PTPA: variants seen among roughly 807,000 people sequenced by gnomAD.
The protein encoded by PTPA is serine/threonine-protein phosphatase 2A activator.
PTPA carries 13 observed loss-of-function variants against 43.6 expected under a neutral mutation model. The observed-to-expected ratio is 0.30, with a 90% CI of 0.19 to 0.47. The LOEUF is 0.47. Among genes scored for constraint, PTPA ranks in the 20% least tolerant of loss-of-function variants. PTPA has a pLI of 0.99. For missense variants in PTPA, 329 were observed against 411.9 expected, an observed-to-expected ratio of 0.80 and a Z score of 1.74; for synonymous variants, 172 against 158.2, an observed-to-expected ratio of 1.09 and a Z score of -0.66.
chr9:129,120,327 G>A (rs1480483678), intron 1 of PTPA, among the ~76,000 whole-genome samples, 186 bp from the exon 2 acceptor site: 1 of 151,866 alleles, frequency 6.6e-6, no homozygotes, highest in Non-Finnish European at 1.5e-5. Context: ...AGGAGACTGA[G>A]GCAGGAGAAT....
At chr9:129,141,414 T>G (rs552310334) in intron 8 of PTPA, among the ~76,000 whole-genome samples, 2 of 152,332 alleles carry the variant, frequency 1.3e-5, no homozygotes, top group African/African-American at 4.8e-5. Flanking sequence ...TCAGCCTCTT[T>G]GCAGAGTCTT....
chr9:129,146,967 G>C (rs1851345364), intron 9 of PTPA, among the ~76,000 whole-genome samples: 1 of 152,252 alleles, frequency 6.6e-6, no homozygotes, highest in African/African-American at 2.4e-5. Flanking sequence ...GAAAGCTGGA[G>C]AAAACAGGCT....
chr9:129,119,324 C>T (rs1344752293), intron 1 of PTPA, among the ~76,000 whole-genome samples: 1 of 94,328 alleles, frequency 1.1e-5, no homozygotes, highest in Non-Finnish European at 2.9e-5. Context: ...CAACCTTATC[C>T]AGAAAGAGAA....
intron 1 of PTPA, among the ~76,000 whole-genome samples, chr9:129,114,908 G>C (rs760251909): frequency 1.3e-5 from 2 of 152,184 alleles, no homozygotes; most frequent in Admixed American, 1.3e-4. Context: ...AGTGCTTCCT[G>C]GTAAGGTAGC....
intron 9 of PTPA, chr9:129,143,132 C>G: frequency 1.6e-6 from 1 of 611,464 alleles, no homozygotes; most frequent in South Asian, 2.0e-5. Flanking sequence ...GCTCCCCCTG[C>G]TGGCAGGCAG....
chr9:129,122,904 T>A (rs73627785), intron 2 of PTPA, 148 bp from the exon 3 acceptor site: 6,411 of 639,422 alleles, frequency 0.01, 268 homozygotes, highest in African/African-American at 0.097. Context: ...GCATTACGTT[T>A]CTGCTTCTCC....
chr9:129,112,498 G>A (rs186967343), intron 1 of PTPA, among the ~76,000 whole-genome samples: 288 of 152,326 alleles, frequency 1.9e-3, no homozygotes, highest in Non-Finnish European at 3.1e-3. Flanking sequence ...TCCCTGGGAA[G>A]GTCTCAGGAG....
intron 1 of PTPA, among the ~76,000 whole-genome samples, chr9:129,114,188 AT>A (rs994891603): frequency 6.6e-6 from 1 of 152,110 alleles, no homozygotes; most frequent in East Asian, 1.9e-4. Context: ...TGCCGGGCTA[AT>A]TTTTTGTATT....
At position 129,111,642 on chromosome 9, in the gene PTPA, C is replaced by A; in HGVS notation, c.31+11C>A. On this transcript the variant is annotated intron_variant, in intron 1 of 9. Coordinates refer to ENST00000393370, the MANE Select transcript of PTPA (RefSeq NM_178000.3). ...GGCAGCCGCCGCCAGGTAAGGCCGGCGGGGCCAGGCCGGGCCGGGGTCGGG... is the reference window on the plus strand; with the variant it reads ...GGCAGCCGCCGCCAGGTAAGGCCGGAGGGGCCAGGCCGGGCCGGGGTCGGG... The A allele has an allele frequency of 9.1e-7, 1 of 1,094,340 alleles. No individual in the cohort carries two copies. Among genetic ancestry groups the A allele is most frequent in the Non-Finnish European group, 1.1e-6 (1 of 887,988 alleles). The allele number at this position is 1,094,340 out of a possible 1,614,324, so 67.8% of individuals were successfully genotyped here.
At position 129,148,904 on chromosome 9, in the gene PTPA, C is replaced by G. The variant is rs1466516065; in HGVS notation, c.*1440C>G. On this transcript the variant is annotated 3_prime_UTR_variant, in exon 10 of 10. Coordinates refer to ENST00000393370, the MANE Select transcript of PTPA (RefSeq NM_178000.3). ...CCTATGGGCTCCCAGCCCCTTGCACCCTCATTGCTGTTCAGATTAAAGCCT... is the reference window on the plus strand; with the variant it reads ...CCTATGGGCTCCCAGCCCCTTGCACGCTCATTGCTGTTCAGATTAAAGCCT... 1 of 152,488 alleles carries G rather than the reference C, an allele frequency of 6.6e-6. No homozygotes were observed. Among genetic ancestry groups the G allele is most frequent in the East Asian group, 1.9e-4 (1 of 5,202 alleles). The allele number at this position is 152,488 out of a possible 1,614,324, so 9.4% of individuals were successfully genotyped here.
chr9:129,134,002 A>C (rs921590276), intron 5 of PTPA, among the ~76,000 whole-genome samples: 3 of 152,212 alleles, frequency 2.0e-5, no homozygotes, highest in African/African-American at 7.2e-5. Flanking sequence ...TTGAACCCTT[A>C]CGTCAGGGTC....
intron 3 of PTPA, 125 bp from the exon 4 acceptor site, chr9:129,128,860 A>C: frequency 8.7e-7 from 1 of 1,153,568 alleles, no homozygotes; most frequent in Non-Finnish European, 1.2e-6. Context: ...AGAAAGAGGG[A>C]TGGGGGAGAG....
chr9:129,133,148 A>G (rs1327079601), intron 5 of PTPA, among the ~76,000 whole-genome samples: 2 of 152,214 alleles, frequency 1.3e-5, no homozygotes, highest in Non-Finnish European at 2.9e-5. Flanking sequence ...GCAGCTAAGG[A>G]GGACCTCTGC....
chr9:129,131,496 C>T, intron 4 of PTPA, 26 bp from the exon 5 acceptor site: 1 of 1,605,564 alleles, frequency 6.2e-7, no homozygotes, highest in South Asian at 1.1e-5. Context: ...TATGCTGCCA[C>T]CACTTTGTGT....
Position 129,147,540 on chromosome 9 carries a change from C to T in PTPA, c.*76C>T. 1 of 1,431,842 alleles carries T rather than the reference C, an allele frequency of 7.0e-7. No individual in the cohort carries two copies. The highest frequency in any genetic ancestry group is 1.2e-5 in the South Asian group (1 of 85,384). 88.7% of individuals were successfully genotyped at this position (1,431,842 alleles called of 1,614,324 possible). On this transcript the variant is annotated 3_prime_UTR_variant, in exon 10 of 10. Transcript: ENST00000393370. ...CCCCACCCCAGCAGTGGCCCCTCCC[C>T]ATCCCCTCCCTCTGTTCGTCCCGTT...
chr9:129,124,888 G>GTGTGAACCCAAACGCAAAC (rs1352065615), intron 3 of PTPA, among the ~76,000 whole-genome samples: 1 of 152,256 alleles, frequency 6.6e-6, no homozygotes, highest in Non-Finnish European at 1.5e-5. Context: ...GCCCCTGGCA[G>GTGTGAACCCAAACGCAAAC]AGCTGCCTAT....
intron 1 of PTPA, among the ~76,000 whole-genome samples, chr9:129,115,418 A>T (rs902910525): frequency 4.2e-4 from 64 of 152,254 alleles, no homozygotes; most frequent in African/African-American, 1.5e-3. Flanking sequence ...CCTTCTCCTT[A>T]GGTCTCCAAG....
At chr9:129,131,948 AT>A (rs1434535302) in intron 5 of PTPA, among the ~76,000 whole-genome samples, 1 of 152,100 alleles carries the variant, frequency 6.6e-6, no homozygotes, top group African/African-American at 2.4e-5. Context: ...CATCACCAAA[AT>A]AATTATTAAT....
At chr9:129,138,039 G>C in intron 8 of PTPA, 1 of 355,300 alleles carries the variant, frequency 2.8e-6, no homozygotes, top group South Asian at 2.4e-5. Flanking sequence ...TCTTTCGGTG[G>C]GGCCCCACAA....
Sources: allele counts gnomAD v4.1 joint callset (sites outside exome capture counted in the v4.1 genomes callset), GRCh38; gene constraint gnomAD v4.1.1; transcripts MANE v1.5; gene names NCBI Gene and HGNC (gene_info 2026-07-23, HGNC 2026-07-21).